The following VWA8 variants were observed in gnomAD, a reference collection of about 807,000 sequenced individuals.
VWA8 encodes the protein von Willebrand factor A domain-containing protein 8.
VWA8 carries 221 observed loss-of-function variants against 241.5 expected under a neutral mutation model. That is an observed-to-expected ratio of 0.91 (90% CI 0.82 to 1.02). The LOEUF (loss-of-function observed/expected upper bound fraction) is 1.02, where lower values mean the gene tolerates loss of function less well. Ranked by LOEUF, VWA8 falls within the 50% of genes least tolerant of loss-of-function variation. VWA8 has a pLI of 0.00. For synonymous variants in VWA8, 852 were observed against 827.1 expected, an observed-to-expected ratio of 1.03 and a Z score of -0.52; for missense variants, 2,322 against 2,328.7, an observed-to-expected ratio of 1.00 and a Z score of 0.06.
At chr13:41,607,693 C>T (rs1284383277) in intron 39 of VWA8, among the ~76,000 whole-genome samples, 4 of 152,036 alleles carry the variant, frequency 2.6e-5, no homozygotes, top group Non-Finnish European at 4.4e-5. Flanking sequence ...TAAATTAGCG[C>T]ATTATGGATA....
rs1187360432 is a variant in VWA8, at chr13:41,587,564, T to C, written c.5219A>G (p.Glu1740Gly). 1.9e-6 allele frequency: 3 copies of C among 1,614,116 alleles called. No homozygotes were observed. The highest frequency in any genetic ancestry group is 1.7e-6 in the Non-Finnish European group (2 of 1,180,038). The change falls in exon 42 of 45, where the codon GAG (glutamate) becomes GGG (glycine). Residue 1740 changes from glutamate (E) to glycine (G), a missense_variant. Transcript: ENST00000379310. The part of the protein sequence containing the change: ...RMDGRLERTM[E>G]AVCMVMEAFE... The stretch of plus-strand genomic sequence containing the variant: ...GGCTTCCATGACCATACACACAGCC[T>C]CCATTGTGCGCTCAAGCCGGCCATC...
At chr13:41,602,260 C>T (rs556475875) in intron 40 of VWA8, among the ~76,000 whole-genome samples, 2 of 152,098 alleles carry the variant, frequency 1.3e-5, no homozygotes, top group Non-Finnish European at 2.9e-5. Flanking sequence ...GATAATGATG[C>T]AAAATGTTTT....
chr13:41,796,931 A>C (rs1266214540), intron 17 of VWA8, among the ~76,000 whole-genome samples: 1 of 152,068 alleles, frequency 6.6e-6, no homozygotes, highest in Admixed American at 6.5e-5. Flanking sequence ...TAGGCTTTTA[A>C]GTGTATTTTT....
chr13:41,806,013 A>G (rs1197826399), intron 17 of VWA8, among the ~76,000 whole-genome samples: 17 of 151,608 alleles, frequency 1.1e-4, no homozygotes, highest in Non-Finnish European at 2.4e-4. Context: ...AAAAAAAAAA[A>G]AAAAGAAATG....
chr13:41,749,862 C>T (rs545723854), intron 21 of VWA8, among the ~76,000 whole-genome samples: 4 of 88,542 alleles, frequency 4.5e-5, no homozygotes, highest in African/African-American at 1.4e-4. Context: ...CATCACACTC[C>T]GGGGCCTGTT....
chr13:41,847,206 A>G (rs775117817), intron 12 of VWA8, among the ~76,000 whole-genome samples: 7 of 152,188 alleles, frequency 4.6e-5, no homozygotes, highest in Admixed American at 1.3e-4. Context: ...GGGAATGAAC[A>G]AAAATAGATA....
At chr13:41,869,689 C>G (rs1873497138) in intron 9 of VWA8, among the ~76,000 whole-genome samples, 1 of 147,058 alleles carries the variant, frequency 6.8e-6, no homozygotes, top group Non-Finnish European at 1.5e-5. Flanking sequence ...TTGATGTGGC[C>G]CAATTATCAA....
Position 41,590,715 on chromosome 13 carries a change from T to G in VWA8, c.5037A>C (p.Leu1679Phe), listed in dbSNP as rs2044448968. 1.2e-6 allele frequency: 2 copies of G among 1,614,024 alleles called. No individual in the cohort carries two copies. The highest frequency in any genetic ancestry group is 1.7e-6 in the Non-Finnish European group (2 of 1,180,032). ...QWLRHQATGE[L>F]DDAKIIDGLT... The stretch of plus-strand genomic sequence containing the variant: ...GCCCATCAATGATCTTGGCATCATC[T>G]AATTCTCCAGTAGCTTGATGTCTTA... The change falls in exon 41 of 45, where the codon TTA (leucine) becomes TTC (phenylalanine). Residue 1679 changes from leucine (L) to phenylalanine (F), a missense_variant. Coordinates refer to ENST00000379310, the MANE Select transcript of VWA8 (RefSeq NM_015058.2).
At chr13:41,641,321 CT>C in intron 37 of VWA8, among the ~76,000 whole-genome samples, 1 of 152,212 alleles carries the variant, frequency 6.6e-6, no homozygotes, top group East Asian at 1.9e-4. Flanking sequence ...AAAAGGAAAT[CT>C]TAAAAATAAA....
rs944460323 is a variant in VWA8, at chr13:41,650,952, A to T, written c.4611+19994T>A. Among the ~76,000 whole-genome samples the T allele has an allele frequency of 5.3e-5, 8 of 152,210 alleles. No homozygotes were observed. The East Asian group carries it at 5.8e-4, about 11-fold the overall frequency. ...GTGTGGGGTCTGATAAGGCATATTT[A>T]AGGGGTGTGTGGACACTGCTTTAGC... is the stretch of plus-strand genomic sequence containing the variant. On this transcript the variant is annotated intron_variant, in intron 37 of 44. Transcript: ENST00000379310.
At chr13:41,773,653 A>G (rs1054990860) in intron 20 of VWA8, among the ~76,000 whole-genome samples, 3 of 152,188 alleles carry the variant, frequency 2.0e-5, no homozygotes, top group African/African-American at 7.2e-5. Flanking sequence ...CTTAGCACAG[A>G]TGTTACCTTA....
chr13:41,679,720 AATTAG>A (rs1350514133), intron 35 of VWA8, among the ~76,000 whole-genome samples: 3 of 152,186 alleles, frequency 2.0e-5, no homozygotes, highest in Non-Finnish European at 4.4e-5. Context: ...GTTCCAGACT[AATTAG>A]ATGGTTGGAT....
chr13:41,627,090 C>T (rs537441251), intron 37 of VWA8, among the ~76,000 whole-genome samples: 7 of 152,036 alleles, frequency 4.6e-5, no homozygotes, highest in Non-Finnish European at 8.8e-5. Flanking sequence ...AAACAAACAA[C>T]CCATTAAAAA....
chr13:41,841,647 G>A lies in VWA8; in HGVS notation c.1426-8116C>T, dbSNP rs753901935. 3.0e-3 allele frequency among the ~76,000 whole-genome samples: 446 copies of A among 149,144 alleles called. 1 individual carries two copies. Among genetic ancestry groups the A allele is most frequent in the Non-Finnish European group, 5.1e-3 (343 of 66,952 alleles). ...TAAAAATACAAAAAATTAGCCGGGTGTGGTGGCGGGCGCCTGTAGTCCCAG... is the reference window on the plus strand; with the variant it reads ...TAAAAATACAAAAAATTAGCCGGGTATGGTGGCGGGCGCCTGTAGTCCCAG... On this transcript the variant is annotated intron_variant, in intron 12 of 44. Transcript: ENST00000379310.
intron 35 of VWA8, among the ~76,000 whole-genome samples, chr13:41,677,727 T>G (rs1325373751): frequency 6.6e-6 from 1 of 152,206 alleles, no homozygotes; most frequent in Non-Finnish European, 1.5e-5. Context: ...TGTCTGTTTC[T>G]CTATCTAATC....
intron 12 of VWA8, among the ~76,000 whole-genome samples, chr13:41,862,357 G>C (rs1417490883): frequency 1.3e-5 from 2 of 152,228 alleles, no homozygotes; most frequent in Middle Eastern, 3.4e-3. Flanking sequence ...AGAAAACCTA[G>C]GACATACTGT....
intron 4 of VWA8, among the ~76,000 whole-genome samples, chr13:41,898,915 T>C (rs2138095570): frequency 6.6e-6 from 1 of 152,038 alleles, no homozygotes; most frequent in South Asian, 2.1e-4. Flanking sequence ...AACTCCAAGC[T>C]GGCCCGCAAG....
rs773386212 is a variant in VWA8, at chr13:41,907,619, C to G, written c.450G>C (p.Glu150Asp). ...TTETDLKQRREIRAGTAFYID... is the reference protein window; with the variant it reads ...TTETDLKQRRDIRAGTAFYID... ...TGTAAAAGGCTGTGCCTGCACGGATCTCTCGTCGCTGTTTGAGATCAGTTT... is the reference window on the plus strand; with the variant it reads ...TGTAAAAGGCTGTGCCTGCACGGATGTCTCGTCGCTGTTTGAGATCAGTTT... The change falls in exon 4 of 45, where the codon GAG becomes GAC. Residue 150 changes from glutamate (E) to aspartate (D), a missense_variant. Coordinates refer to ENST00000379310, the MANE Select transcript of VWA8 (RefSeq NM_015058.2). 1 of 1,614,166 alleles carries G rather than the reference C, an allele frequency of 6.2e-7. No individual in the cohort carries two copies. Among genetic ancestry groups the G allele is most frequent in the Non-Finnish European group, 8.5e-7 (1 of 1,180,002 alleles).
At chr13:41,769,675 T>G (rs757397566) in intron 20 of VWA8, among the ~76,000 whole-genome samples, 1 of 152,140 alleles carries the variant, frequency 6.6e-6, no homozygotes, top group Non-Finnish European at 1.5e-5. Flanking sequence ...GCTTTGGAGA[T>G]CTAATACCTA....
Sources: allele counts gnomAD v4.1 joint callset (sites outside exome capture counted in the v4.1 genomes callset), GRCh38; gene constraint gnomAD v4.1.1; transcripts MANE v1.5; gene names NCBI Gene and HGNC (gene_info 2026-07-23, HGNC 2026-07-21).